The following CDH8 variants were observed in gnomAD, a reference collection of about 807,000 sequenced individuals.
CDH8 encodes cadherin 8, also known as cadherin-8.
Under a neutral mutation model 68.1 loss-of-function variants are expected in CDH8, and 17 were observed. The ratio of observed to expected loss-of-function variants is 0.25; its 90% CI spans 0.17 to 0.37. The LOEUF is 0.37. CDH8 is among the 10% of genes least tolerant of loss of function. The pLI is 1.00. For missense variants in CDH8, 763 were observed against 999.3 expected (o/e 0.76, Z 3.19); for synonymous variants, 372 against 365.1 (o/e 1.02, Z -0.21).
rs1014200253 is a variant in CDH8 at position 61,901,348 on chromosome 16, C to T, written c.378G>A (p.Arg126=). ...TTAGGGTATACTCAGCCTTTTCCTC[C>T]CGGTCAAGTCTTTTTATAGCATGGA... ...GDIHAIKRLD[R]EEKAEYTLTA... Residue 126 remains arginine (R), a synonymous_variant, in exon 3 of 12, where the codon CGG becomes CGA. Transcript: ENST00000577390. The T allele has an allele frequency of 1.9e-6, 3 of 1,613,824 alleles. No homozygotes were observed. Among genetic ancestry groups the T allele is most frequent in the East Asian group, 2.2e-5 (1 of 44,856 alleles).
chr16:61,986,546 G>A (rs1021861483), intron 2 of CDH8, among the ~76,000 whole-genome samples: 1 of 152,146 alleles, frequency 6.6e-6, no homozygotes, highest in Non-Finnish European at 1.5e-5. Context: ...ACTTTGAGGG[G>A]CTTGATGACA....
chr16:61,992,122 G>C (rs1965735466), intron 2 of CDH8, among the ~76,000 whole-genome samples: 1 of 112,416 alleles, frequency 8.9e-6, no homozygotes, highest in Non-Finnish European at 2.2e-5. Flanking sequence ...AAAAGGAAAT[G>C]TACTCTTTTT....
At chr16:61,760,543 C>T (rs1960437938) in intron 8 of CDH8, among the ~76,000 whole-genome samples, 1 of 151,922 alleles carries the variant, frequency 6.6e-6, no homozygotes, top group Admixed American at 6.6e-5. Context: ...GAGCCCGTGA[C>T]CTTAAATGAT....
chr16:61,963,976 A>G (rs1228873373), intron 2 of CDH8, among the ~76,000 whole-genome samples: 1 of 152,186 alleles, frequency 6.6e-6, no homozygotes, highest in Non-Finnish European at 1.5e-5. Flanking sequence ...ACCTGTTTAC[A>G]ATGAACACAG....
chr16:61,839,177 C>T (rs1048642779), intron 4 of CDH8, among the ~76,000 whole-genome samples: 1 of 152,056 alleles, frequency 6.6e-6, no homozygotes, highest in African/African-American at 2.4e-5. Context: ...CATAGATAGG[C>T]AGATTGTACT....
chr16:61,917,061 TAGTG>T (rs1476587592), intron 2 of CDH8, among the ~76,000 whole-genome samples: 3 of 117,528 alleles, frequency 2.6e-5, no homozygotes, highest in African/African-American at 7.1e-5. Flanking sequence ...ATTTACCTAT[TAGTG>T]TGTGTGTGTG....
At chr16:61,762,739 T>G (rs1424459840) in intron 8 of CDH8, among the ~76,000 whole-genome samples, 1 of 152,168 alleles carries the variant, frequency 6.6e-6, no homozygotes, top group Non-Finnish European at 1.5e-5. Flanking sequence ...AACTATTTCA[T>G]ATGAATAAAT....
At position 61,997,657 on chromosome 16, in the gene CDH8, C is replaced by T. The variant is rs367882571; in HGVS notation, c.252+23495G>A. Among the ~76,000 whole-genome samples the T allele has an allele frequency of 5.3e-5, 8 of 152,116 alleles. No individual in the cohort carries two copies. The East Asian group carries it at 9.6e-4, about 18-fold the overall frequency. On this transcript the variant is annotated intron_variant, in intron 2 of 11. Transcript: ENST00000577390. ...TTGCAGAAGAAAGCCCTGACAGACA[C>T]CATCTCAACCAGGTAAGCAAAGTTA...
At chr16:61,675,623 A>G (rs1393402607) in intron 10 of CDH8, among the ~76,000 whole-genome samples, 1 of 64,240 alleles carries the variant, frequency 1.6e-5, no homozygotes, top group Admixed American at 1.3e-4. Flanking sequence ...AAAAATAAAA[A>G]AAATAAAAAA....
chr16:61,930,902 T>A (rs1199378633), intron 2 of CDH8, among the ~76,000 whole-genome samples: 1 of 152,216 alleles, frequency 6.6e-6, no homozygotes, highest in East Asian at 1.9e-4. Context: ...TTCTTCAATG[T>A]GTAGCTTGAA....
chr16:61,975,911 T>A (rs1386689957), intron 2 of CDH8, among the ~76,000 whole-genome samples: 2 of 152,178 alleles, frequency 1.3e-5, no homozygotes, highest in African/African-American at 4.8e-5. Context: ...ACTGAGTGCA[T>A]GACAGTAAGA....
chr16:62,003,738 A>C (rs955356282), intron 2 of CDH8, among the ~76,000 whole-genome samples: 2 of 152,166 alleles, frequency 1.3e-5, no homozygotes, highest in Non-Finnish European at 2.9e-5. Flanking sequence ...CTTCAAAATA[A>C]TTATGGTATT....
intron 3 of CDH8, among the ~76,000 whole-genome samples, chr16:61,871,659 C>T (rs756501945): frequency 2.0e-5 from 3 of 150,562 alleles, no homozygotes; most frequent in Non-Finnish European, 3.0e-5. Context: ...GTGAGAAAAC[C>T]TTAATTGTTA....
intron 8 of CDH8, among the ~76,000 whole-genome samples, chr16:61,750,058 C>T (rs1028760175): frequency 6.6e-6 from 1 of 152,056 alleles, no homozygotes; most frequent in Non-Finnish European, 1.5e-5. Context: ...CTTTGTCCCC[C>T]TGTCTCCCTC....
chr16:61,967,396 T>A (rs184383674), intron 2 of CDH8, among the ~76,000 whole-genome samples: 70 of 152,314 alleles, frequency 4.6e-4, no homozygotes, highest in African/African-American at 1.5e-3. Flanking sequence ...AGTAACCAAG[T>A]GAAAAATCTC....
intron 2 of CDH8, among the ~76,000 whole-genome samples, chr16:61,905,112 A>T (rs1362535932): frequency 6.6e-6 from 1 of 152,210 alleles, no homozygotes; most frequent in Non-Finnish European, 1.5e-5. Flanking sequence ...GGTGCCAAAA[A>T]GGCTGGGGAA....
chr16:62,032,406 C>A (rs754364226), intron 1 of CDH8, among the ~76,000 whole-genome samples: 23 of 152,128 alleles, frequency 1.5e-4, no homozygotes, highest in Non-Finnish European at 2.4e-4. Context: ...TTTATCTACA[C>A]CCTCCCACCC....
At chr16:61,858,725 G>A (rs762666299) in intron 3 of CDH8, among the ~76,000 whole-genome samples, 8 of 152,134 alleles carry the variant, frequency 5.3e-5, no homozygotes, top group African/African-American at 1.2e-4. Flanking sequence ...CAGTCACAAC[G>A]AAAGCCTCAT....
chr16:62,015,281 C>T (rs1901908936), intron 2 of CDH8, among the ~76,000 whole-genome samples: 1 of 152,042 alleles, frequency 6.6e-6, no homozygotes, highest in African/African-American at 2.4e-5. Context: ...CTCCATTCTC[C>T]AAGATATCTC....
Sources: allele counts gnomAD v4.1 joint callset (sites outside exome capture counted in the v4.1 genomes callset), GRCh38; gene constraint gnomAD v4.1.1; transcripts MANE v1.5; gene names NCBI Gene and HGNC (gene_info 2026-07-23, HGNC 2026-07-21).